Variants in NOS1AP observed in about 807,000 individuals in gnomAD.
NOS1AP encodes carboxyl-terminal PDZ ligand of neuronal nitric oxide synthase protein.
NOS1AP carries 21 observed loss-of-function variants against 56.2 expected under a neutral mutation model. That is an observed-to-expected ratio of 0.37 (90% CI 0.26 to 0.54). The LOEUF is 0.54. NOS1AP is among the 20% of genes least tolerant of loss of function. NOS1AP has a pLI of 0.84. For synonymous variants in NOS1AP, 270 were observed against 274.6 expected (o/e 0.98, Z 0.17); for missense variants, 522 against 657.8 (o/e 0.79, Z 2.26).
intron 1 of NOS1AP, among the ~76,000 whole-genome samples, chr1:162,107,734 GAGGAACAGAC>G (rs1647566601): frequency 6.6e-6 from 1 of 152,320 alleles, no homozygotes; most frequent in African/African-American, 2.4e-5. Context: ...AACCCACAGA[GAGGAACAGAC>G]AGGAACTCAG....
At chr1:162,173,763 C>T (rs556009981) in intron 2 of NOS1AP, among the ~76,000 whole-genome samples, 3 of 152,306 alleles carry the variant, frequency 2.0e-5, no homozygotes, top group South Asian at 4.1e-4. Flanking sequence ...AGGATATGAA[C>T]AGGCACTTCT....
intron 2 of NOS1AP, among the ~76,000 whole-genome samples, chr1:162,191,009 C>T (rs1204715473): frequency 1.3e-5 from 2 of 152,086 alleles, no homozygotes; most frequent in South Asian, 2.1e-4. Context: ...AGCAATGGCT[C>T]CCTATCGTGT....
In NOS1AP at chr1:162,353,333, G is replaced by A. The variant is rs564621480; in HGVS notation, c.596-1854G>A. Among the ~76,000 whole-genome samples, 447 of 152,282 alleles carry A rather than the reference G, an allele frequency of 2.9e-3. 1 individual carries two copies. Among genetic ancestry groups the A allele is most frequent in the Non-Finnish European group, 4.9e-3 (334 of 68,028 alleles). On this transcript the variant is annotated intron_variant, in intron 6 of 9. Coordinates refer to ENST00000361897, the MANE Select transcript of NOS1AP (RefSeq NM_014697.3). The stretch of plus-strand genomic sequence containing the variant: ...CACTTGCATTGCCTGACATGCCGTG[G>A]ACTTCCTGCCTCTGTGCCTCTCTGC...
chr1:162,081,783 T>A (rs1274482584), intron 1 of NOS1AP, among the ~76,000 whole-genome samples: 2 of 136,018 alleles, frequency 1.5e-5, no homozygotes, highest in African/African-American at 2.7e-5. Context: ...TATTTTTTTT[T>A]TGTAGAGATG....
intron 1 of NOS1AP, among the ~76,000 whole-genome samples, chr1:162,109,502 G>C (rs1175531092): frequency 6.6e-6 from 1 of 152,134 alleles, no homozygotes; most frequent in East Asian, 1.9e-4. Flanking sequence ...TGAGGAAGCA[G>C]GTGGGTATGG....
chr1:162,165,675 A>G (rs7550191), intron 2 of NOS1AP, among the ~76,000 whole-genome samples: 10 of 152,056 alleles, frequency 6.6e-5, no homozygotes, highest in African/African-American at 1.9e-4. Context: ...TCCTACAAGA[A>G]CATGCCGACT....
In NOS1AP at chr1:162,239,209, T is replaced by C. The variant is rs1571152474; in HGVS notation, c.178-48135T>C. Among the ~76,000 whole-genome samples, 3 of 152,340 alleles carry C rather than the reference T, an allele frequency of 2.0e-5. No individual in the cohort carries two copies. The South Asian group carries it at 6.2e-4, about 32-fold the overall frequency. Reference sequence around the variant, plus strand: ...AAGATTAGTGAAGACAAATCAGATATGGGCTCCACATGGCCCCAGCTGATG... The same window carrying C: ...AAGATTAGTGAAGACAAATCAGATACGGGCTCCACATGGCCCCAGCTGATG... On this transcript the variant is annotated intron_variant, in intron 2 of 9. Transcript: ENST00000361897.
intron 1 of NOS1AP, among the ~76,000 whole-genome samples, chr1:162,082,906 T>C (rs1215234075): frequency 1.9e-4 from 1 of 5,268 alleles, no homozygotes; most frequent in African/African-American, 2.0e-4. Flanking sequence ...TTTTTTTTTT[T>C]TTTTTTTTGA....
intron 1 of NOS1AP, among the ~76,000 whole-genome samples, chr1:162,105,700 G>T (rs1487551138): frequency 6.6e-6 from 1 of 152,210 alleles, no homozygotes; most frequent in African/African-American, 2.4e-5. Context: ...TGGCAAGGCA[G>T]CTGTGCTATG....
chr1:162,077,955 C>G (rs4233385), intron 1 of NOS1AP, among the ~76,000 whole-genome samples: 36,827 of 152,130 alleles, frequency 0.24, 5,239 homozygotes, highest in South Asian at 0.58. Flanking sequence ...TCTGCTGCCC[C>G]CTTCTCTATC....
intron 2 of NOS1AP, among the ~76,000 whole-genome samples, chr1:162,199,618 G>GTGTA (rs1651922291): frequency 1.4e-5 from 2 of 140,026 alleles, no homozygotes; most frequent in Admixed American, 7.2e-5. Context: ...GTGTGTGTGT[G>GTGTA]TGTGTGTGTG....
At chr1:162,180,345 C>A (rs944501293) in intron 2 of NOS1AP, among the ~76,000 whole-genome samples, 19 of 152,098 alleles carry the variant, frequency 1.2e-4, no homozygotes, top group African/African-American at 4.3e-4. Context: ...CCCGGGTTCA[C>A]GCCGTTCTTC....
chr1:162,274,223 G>T (rs1306342106), intron 2 of NOS1AP, among the ~76,000 whole-genome samples: 1 of 152,176 alleles, frequency 6.6e-6, no homozygotes, highest in Non-Finnish European at 1.5e-5. Flanking sequence ...GGTGTTTGGC[G>T]TCTGTTGTGC....
At chr1:162,225,102 G>C (rs1484663862) in intron 2 of NOS1AP, among the ~76,000 whole-genome samples, 1 of 152,164 alleles carries the variant, frequency 6.6e-6, no homozygotes, top group Non-Finnish European at 1.5e-5. Flanking sequence ...ACTTCTCCTT[G>C]AAGTCAAACC....
At chr1:162,133,639 G>A (rs910928455) in intron 1 of NOS1AP, among the ~76,000 whole-genome samples, 1 of 152,186 alleles carries the variant, frequency 6.6e-6, no homozygotes, top group African/African-American at 2.4e-5. Flanking sequence ...TATGTGGTTA[G>A]CATTCTGCTG....
chr1:162,321,101 T>G (rs1388304880), intron 4 of NOS1AP, among the ~76,000 whole-genome samples: 1 of 152,142 alleles, frequency 6.6e-6, no homozygotes, highest in Admixed American at 6.5e-5. Flanking sequence ...TTGAATTAAT[T>G]TTTGTATAAG....
At chr1:162,248,912 C>T (rs1653760746) in intron 2 of NOS1AP, among the ~76,000 whole-genome samples, 1 of 152,000 alleles carries the variant, frequency 6.6e-6, no homozygotes, top group Non-Finnish European at 1.5e-5. Context: ...TCCATCAAAC[C>T]ACAGCACCCC....
chr1:162,318,274 C>T (rs77172414), intron 4 of NOS1AP, among the ~76,000 whole-genome samples: 1,807 of 152,342 alleles, frequency 0.012, 20 homozygotes, highest in Non-Finnish European at 0.02. Context: ...CACTGCCAGA[C>T]TCTTTGGAGA....
chr1:162,074,740 T>A (rs1691733431), intron 1 of NOS1AP, among the ~76,000 whole-genome samples: 1 of 152,212 alleles, frequency 6.6e-6, no homozygotes, highest in African/African-American at 2.4e-5. Context: ...TGGCGTTGAC[T>A]GGATCACTCA....
Sources: gnomAD v4.1 joint callset for allele counts (sites outside exome capture counted in the v4.1 genomes callset) on GRCh38, gnomAD v4.1.1 for gene constraint, MANE v1.5 for transcripts, NCBI Gene and HGNC (gene_info 2026-07-23, HGNC 2026-07-21) for gene names.